The following CDC23 variants were observed in gnomAD, a reference collection of about 807,000 sequenced individuals.
The protein encoded by CDC23 is cell division cycle 23.
A neutral mutation model predicts 81.7 loss-of-function variants in CDC23; 26 were observed. The observed-to-expected ratio is 0.32, with a 90% CI of 0.23 to 0.44. The LOEUF is 0.44. Ranked by LOEUF, CDC23 falls within the 20% of genes least tolerant of loss-of-function variation. The pLI is 1.00. For synonymous variants in CDC23, 267 were observed against 270.8 expected (o/e 0.99, Z 0.14); for missense variants, 519 against 728.0 (o/e 0.71, Z 3.30).
chr5:138,193,551 G>A (rs749856825), intron 9 of CDC23, among the ~76,000 whole-genome samples: 1 of 151,620 alleles, frequency 6.6e-6, no homozygotes, highest in Non-Finnish European at 1.5e-5. Flanking sequence ...AGCTGAGATC[G>A]TGCCACTGCA....
At chr5:138,206,471 A>C in intron 3 of CDC23, 76 bp downstream of exon 3, 1 of 1,496,034 alleles carries the variant, frequency 6.7e-7, no homozygotes. Context: ...AGCTATTTAA[A>C]AGATTTAACT....
chr5:138,199,255 C>T (rs907287122), intron 6 of CDC23, among the ~76,000 whole-genome samples: 2 of 152,050 alleles, frequency 1.3e-5, no homozygotes, highest in African/African-American at 2.4e-5. Context: ...GGAACCACTG[C>T]AAATATTCAG....
chr5:138,189,608 C>A, intron 15 of CDC23, 25 bp downstream of exon 15: 1 of 1,599,902 alleles, frequency 6.3e-7, no homozygotes, highest in Non-Finnish European at 8.5e-7. Flanking sequence ...AAATTCAAAC[C>A]TTTTATTAAA....
At chr5:138,203,865 A>G (rs1041319336) in intron 3 of CDC23, among the ~76,000 whole-genome samples, 1 of 152,116 alleles carries the variant, frequency 6.6e-6, no homozygotes, top group Non-Finnish European at 1.5e-5. Context: ...GTGAGCTGAG[A>G]TCACAACACT....
Sources: gnomAD v4.1 joint callset for allele counts (sites outside exome capture counted in the v4.1 genomes callset) on GRCh38, gnomAD v4.1.1 for gene constraint, MANE v1.5 for transcripts, NCBI Gene and HGNC (gene_info 2026-07-23, HGNC 2026-07-21) for gene names.